The following ATAD2 variants were observed in gnomAD, a reference collection of about 807,000 sequenced individuals.
ATAD2 encodes the protein ATPase family AAA domain-containing protein 2.
Under a neutral mutation model 168.9 loss-of-function variants are expected in ATAD2, and 62 were observed. That is an observed-to-expected ratio of 0.37 (90% CI 0.30 to 0.45). The LOEUF is 0.45. ATAD2 is among the 20% of genes least tolerant of loss of function. The pLI, the probability that ATAD2 is intolerant of heterozygous loss-of-function variation, is 1.00. For missense variants in ATAD2, 1,419 were observed against 1,667.8 expected (o/e 0.85, Z 2.60); for synonymous variants, 613 against 571.6 (o/e 1.07, Z -1.03).
chr8:123,328,686 G>T, intron 24 of ATAD2, 107 bp from the exon 25 acceptor site: 1 of 1,120,054 alleles, frequency 8.9e-7, no homozygotes, highest in Non-Finnish European at 1.2e-6. Context: ...AGAAACCACA[G>T]TATTTTGTAT....
At chr8:123,372,980 C>T (rs1021206926) in intron 2 of ATAD2, among the ~76,000 whole-genome samples, 1 of 151,890 alleles carries the variant, frequency 6.6e-6, no homozygotes, top group South Asian at 2.1e-4. Flanking sequence ...GCAAGCTCCC[C>T]CTCCTGGGTT....
intron 20 of ATAD2, among the ~76,000 whole-genome samples, chr8:123,338,783 T>C (rs910233918): frequency 1.3e-4 from 20 of 152,134 alleles, no homozygotes; most frequent in Admixed American, 4.6e-4. Context: ...CCTCTTGTCC[T>C]AGCTACTTCG....
chr8:123,402,182 CTGAG>C lies in ATAD2; in HGVS notation c.-2281-1011_-2281-1008del. 1 of 663,882 alleles carries C rather than the reference CTGAG, an allele frequency of 1.5e-6. No homozygotes were observed. Among genetic ancestry groups the C allele is most frequent in the South Asian group, 1.6e-5 (1 of 61,196 alleles). 41.1% of individuals were successfully genotyped at this position (663,882 alleles called of 1,614,324 possible). ...CTTCGGGCATAGCCTCCCTCCATCA[CTGAG>C]TGGTCCACAGATTTGCACTACGGGT... On this transcript the variant is annotated intron_variant, in intron 1 of 28. Transcript: ENST00000521903. This position sits in a 1 kb window ranked among gnomAD's most constrained non-coding sequence, Gnocchi z 4.8.
intron 27 of ATAD2, among the ~76,000 whole-genome samples, chr8:123,322,473 G>A (rs899948871): frequency 1.3e-5 from 2 of 152,018 alleles, no homozygotes; most frequent in African/African-American, 4.8e-5. Flanking sequence ...GCTCAAGATC[G>A]GCGTGGGCAA....
intron 11 of ATAD2, among the ~76,000 whole-genome samples, chr8:123,358,002 C>T (rs907790542): frequency 6.6e-6 from 1 of 152,092 alleles, no homozygotes; most frequent in African/African-American, 2.4e-5. Flanking sequence ...ATTATCTTAC[C>T]TTGCATATGT....
rs760060576 is a variant in ATAD2 at position 123,386,425 on chromosome 8, T to C, written c.172-5748A>G. Among the ~76,000 whole-genome samples the C allele has an allele frequency of 1.8e-4, 27 of 152,168 alleles. No homozygotes were observed. The Middle Eastern group carries it at 0.01, about 58-fold the overall frequency. On this transcript the variant is annotated intron_variant, in intron 1 of 27. Transcript: ENST00000287394. ...AAATAAGCAAGTCATAAAAGACAAATATGATTAGTCTAGGAATATGAGATT... is the reference window on the plus strand; with the variant it reads ...AAATAAGCAAGTCATAAAAGACAAACATGATTAGTCTAGGAATATGAGATT...
chr8:123,388,950 G>A (rs1053862010), intron 1 of ATAD2, among the ~76,000 whole-genome samples: 1 of 151,160 alleles, frequency 6.6e-6, no homozygotes, highest in African/African-American at 2.4e-5. Flanking sequence ...TTCTTTTTGT[G>A]CTTTGCTGTT....
intron 1 of ATAD2, among the ~76,000 whole-genome samples, chr8:123,412,679 G>C (rs949005159): frequency 6.6e-6 from 1 of 151,858 alleles, no homozygotes; most frequent in African/African-American, 2.4e-5. Context: ...CGATCCTCCC[G>C]CCTTGGTCTC....
At chr8:123,415,526 G>C (rs1813245992) in intron 1 of ATAD2, among the ~76,000 whole-genome samples, 1 of 152,164 alleles carries the variant, frequency 6.6e-6, no homozygotes, top group East Asian at 1.9e-4. Context: ...CAATTCAGAA[G>C]ACTGTAAAGT....
rs1220559566 is a variant in ATAD2, at chr8:123,346,359, TAA to T, written c.2346-89_2346-88del. 52 of 1,296,706 alleles carry T rather than the reference TAA, an allele frequency of 4.0e-5. No homozygotes were observed. The East Asian group carries it at 1.3e-3, about 32-fold the overall frequency. 80.3% of individuals were successfully genotyped at this position (1,296,706 alleles called of 1,614,324 possible). ...ATTGTCAACTATAAACTTTCATAAG[TAA>T]AAAGTCTTGCCAATAAGGCCAACCA... On this transcript the variant is annotated intron_variant, in intron 17 of 27. Coordinates refer to ENST00000287394, the MANE Select transcript of ATAD2 (RefSeq NM_014109.4).
rs748345203 is a variant in ATAD2, at chr8:123,359,334, T to C, written c.1269A>G (p.Val423=). The C allele has an allele frequency of 6.3e-7, 1 of 1,594,042 alleles. No homozygotes were observed. Among genetic ancestry groups the C allele is most frequent in the South Asian group, 1.1e-5 (1 of 88,090 alleles). The stretch of plus-strand genomic sequence containing the variant: ...ACAGGCCACCAACACTATCAAATCG[T>C]ACCTGGTAATGGAAGCGAACATGTA... The part of the protein sequence containing the change: ...DVDPMQLDSS[V]RFDSVGGLSN... The change falls in exon 11 of 28, where the codon GTA becomes GTG. Residue 423 remains valine (V), a splice_region_variant and synonymous_variant. Coordinates refer to ENST00000287394, the MANE Select transcript of ATAD2 (RefSeq NM_014109.4).
At chr8:123,364,012 T>C (rs1458417609) in intron 8 of ATAD2, among the ~76,000 whole-genome samples, 2 of 152,136 alleles carry the variant, frequency 1.3e-5, no homozygotes, top group South Asian at 4.1e-4. Context: ...AAGCAAACAA[T>C]AACACAACCT....
rs761905542 is a variant in ATAD2, at chr8:123,346,762, A to T, written c.2213-12T>A. On this transcript the variant is annotated splice_polypyrimidine_tract_variant and intron_variant, in intron 16 of 27. Transcript: ENST00000287394. Reference sequence around the variant, plus strand: ...AGGACAAGAAATATCTATAAAACCAAAAAATTGTACATTAGTAACTTTTGG... The same window carrying T: ...AGGACAAGAAATATCTATAAAACCATAAAATTGTACATTAGTAACTTTTGG... 2 of 1,573,416 alleles carry T rather than the reference A, an allele frequency of 1.3e-6. No individual in the cohort carries two copies.
intron 20 of ATAD2, among the ~76,000 whole-genome samples, chr8:123,339,065 A>G (rs762361555): frequency 6.6e-6 from 1 of 152,168 alleles, no homozygotes; most frequent in African/African-American, 2.4e-5. Context: ...TGGAGGGCTG[A>G]GGCAGAACAC....
rs1370343818 is a variant in ATAD2 at position 123,322,923 on chromosome 8, C to T, written c.4131+15G>A. 6.2e-7 allele frequency: 1 copy of T among 1,607,884 alleles called. No homozygotes were observed. Among genetic ancestry groups the T allele is most frequent in the Admixed American group, 1.7e-5 (1 of 59,034 alleles). ...CACAAGAGCATTTGTAAAAAGTTTC[C>T]ACTCAAGAGTTTACCTGAATAAGTG... On this transcript the variant is annotated intron_variant, in intron 27 of 27. Transcript: ENST00000287394.
At chr8:123,400,593 G>A (rs1812982875), upstream of ATAD2, 7 of 561,182 alleles carry the variant, frequency 1.2e-5, no homozygotes, top group South Asian at 8.0e-5. This position sits in a 1 kb window ranked among gnomAD's most constrained non-coding sequence, Gnocchi z 4.5. Context: ...ACTACCTGAT[G>A]AGCCAGGGCA....
At position 123,346,594 on chromosome 8, in the gene ATAD2, CA is replaced by C. The variant is rs549885193; in HGVS notation, c.2345+23del. 172 of 1,505,014 alleles carry C rather than the reference CA, an allele frequency of 1.1e-4. 1 individual carries two copies. The African/African-American group carries it at 2.1e-3, about 19-fold the overall frequency. The allele number at this position is 1,505,014 out of a possible 1,614,324, so 93.2% of individuals were successfully genotyped here. ...TTAGAAAATTTACACATGCAAAAAA[CA>C]TTGATTTGCAAGAAAAATATACCTA... On this transcript the variant is annotated intron_variant, in intron 17 of 27. Coordinates refer to ENST00000287394, the MANE Select transcript of ATAD2 (RefSeq NM_014109.4).
chr8:123,387,344 A>G (rs1829673620), intron 1 of ATAD2, among the ~76,000 whole-genome samples: 1 of 152,190 alleles, frequency 6.6e-6, no homozygotes, highest in Non-Finnish European at 1.5e-5. Context: ...AAATATCTCT[A>G]GATGAATTAT....
chr8:123,396,173 A>T lies in ATAD2; in HGVS notation c.171+14T>A. On this transcript the variant is annotated intron_variant, in intron 1 of 27. Coordinates refer to ENST00000287394, the MANE Select transcript of ATAD2 (RefSeq NM_014109.4). ...GGGAACCGCCCTGGGAGCCCGCCTCAGGCCCGTACTCACGCCCGCTTTGGC... is the reference window on the plus strand; with the variant it reads ...GGGAACCGCCCTGGGAGCCCGCCTCTGGCCCGTACTCACGCCCGCTTTGGC... 1 of 1,556,490 alleles carries T rather than the reference A, an allele frequency of 6.4e-7. No individual in the cohort carries two copies. Among genetic ancestry groups the T allele is most frequent in the Middle Eastern group, 2.2e-4 (1 of 4,494 alleles).
Sources: allele counts gnomAD v4.1 joint callset (sites outside exome capture counted in the v4.1 genomes callset), GRCh38; gene constraint gnomAD v4.1.1; non-coding constraint Gnocchi (gnomAD v3.1); transcripts MANE v1.5; gene names NCBI Gene and HGNC (gene_info 2026-07-23, HGNC 2026-07-21).